Variants in LRRC4C observed in about 807,000 individuals in gnomAD.
The protein encoded by LRRC4C is leucine rich repeat containing 4C.
A neutral mutation model predicts 33.6 loss-of-function variants in LRRC4C; 5 were observed. That is an observed-to-expected ratio of 0.15 (90% CI 0.08 to 0.31). The LOEUF (loss-of-function observed/expected upper bound fraction) is 0.31, where lower values mean the gene tolerates loss of function less well. LRRC4C is among the 10% of genes least tolerant of loss of function. The pLI is 1.00. For missense variants in LRRC4C, 560 were observed against 796.7 expected (o/e 0.70, Z 3.58); for synonymous variants, 329 against 302.0 (o/e 1.09, Z -0.93).
chr11:40,332,867 C>T (rs1946424425), intron 3 of LRRC4C, among the ~76,000 whole-genome samples: 1 of 152,184 alleles, frequency 6.6e-6, no homozygotes, highest in African/African-American at 2.4e-5. Flanking sequence ...CCCATTATAG[C>T]ATCTGCATAT....
chr11:41,325,261 T>C (rs916562696), intron 1 of LRRC4C, among the ~76,000 whole-genome samples: 8 of 152,130 alleles, frequency 5.3e-5, no homozygotes. Flanking sequence ...GAATGATTCT[T>C]GACAAAATAA....
rs971504673 is a variant in LRRC4C, at chr11:40,475,024, C to G, written c.-269-155303G>C. On this transcript the variant is annotated intron_variant, in intron 3 of 6. Coordinates refer to ENST00000528697, the MANE Select transcript of LRRC4C (RefSeq NM_001258419.2). The stretch of plus-strand genomic sequence containing the variant: ...TGGTGGGAGTGTAAATTAGTTCAAC[C>G]ATTGTGGAAGACAGTATGGCAATTT... Among the ~76,000 whole-genome samples, 30 of 152,098 alleles carry G rather than the reference C, an allele frequency of 2.0e-4. 1 individual carries two copies. Among genetic ancestry groups the G allele is most frequent in the African/African-American group, 6.5e-4 (27 of 41,414 alleles).
In LRRC4C at chr11:40,639,203, C is replaced by T. The variant is rs1020671140; in HGVS notation, c.-270+8939G>A. On this transcript the variant is annotated intron_variant, in intron 3 of 6. Coordinates refer to ENST00000528697, the MANE Select transcript of LRRC4C (RefSeq NM_001258419.2). ...TCTCTAGTTTCCATCAAAATCAATT[C>T]AGCTAATTAGCAAATATAATATCAT... Among the ~76,000 whole-genome samples the T allele has an allele frequency of 7.9e-5, 12 of 151,144 alleles. No homozygotes were observed. The East Asian group carries it at 1.9e-3, about 24-fold the overall frequency.
chr11:41,080,364 T>G (rs1261062989), intron 1 of LRRC4C, among the ~76,000 whole-genome samples: 1 of 146,290 alleles, frequency 6.8e-6, no homozygotes, highest in Admixed American at 6.8e-5. Context: ...TTTTTTTTTT[T>G]GTTTGAGATG....
chr11:41,217,674 A>G (rs887479150), intron 1 of LRRC4C, among the ~76,000 whole-genome samples: 1 of 152,156 alleles, frequency 6.6e-6, no homozygotes, highest in Non-Finnish European at 1.5e-5. Context: ...GTGATGAAAA[A>G]GACTTGATTA....
chr11:40,451,801 AG>A (rs1951900609), intron 3 of LRRC4C, among the ~76,000 whole-genome samples: 1 of 152,138 alleles, frequency 6.6e-6, no homozygotes, highest in African/African-American at 2.4e-5. Context: ...AAATAAATGG[AG>A]GGGAGTAGAG....
At position 40,411,647 on chromosome 11, in the gene LRRC4C, C is replaced by CATA. The variant is rs1463941808; in HGVS notation, c.-269-91929_-269-91927dup. On this transcript the variant is annotated intron_variant, in intron 3 of 6. Transcript: ENST00000528697. ...TTTGCTATCTTTCTGCTTCTCAAGC[C>CATA]ATAAGATAAAGCAAATGCTTAGTGA... 2.6e-5 allele frequency among the ~76,000 whole-genome samples: 4 copies of CATA among 152,018 alleles called. No homozygotes were observed. In the South Asian group the frequency reaches 6.2e-4, roughly 24 times the overall value.
At chr11:41,177,914 C>A (rs1282184837) in intron 1 of LRRC4C, among the ~76,000 whole-genome samples, 2 of 152,144 alleles carry the variant, frequency 1.3e-5, no homozygotes, top group Non-Finnish European at 2.9e-5. Flanking sequence ...AATCCCACAG[C>A]CAAGTGTGAG....
At chr11:41,187,146 C>T (rs1456070964) in intron 1 of LRRC4C, among the ~76,000 whole-genome samples, 3 of 152,102 alleles carry the variant, frequency 2.0e-5, no homozygotes, top group East Asian at 3.9e-4. Context: ...GGGCATGGTC[C>T]CTGGATAGGG....
intron 1 of LRRC4C, among the ~76,000 whole-genome samples, chr11:41,102,376 T>A (rs1941242722): frequency 6.6e-6 from 1 of 152,094 alleles, no homozygotes; most frequent in African/African-American, 2.4e-5. Flanking sequence ...CACAGATAAA[T>A]AATTTTTTGA....
In LRRC4C at chr11:40,230,900, T is replaced by C. The variant is rs1050977694; in HGVS notation, c.-96+10619A>G. ...ACCATATGCCATTTAAAGCAGCAGA[T>C]GCCCCTTACTTTAAAAGGCCACTGT... On this transcript the variant is annotated intron_variant, in intron 5 of 6. Transcript: ENST00000528697. 3.3e-5 allele frequency among the ~76,000 whole-genome samples: 5 copies of C among 152,236 alleles called. No individual in the cohort carries two copies. The South Asian group carries it at 6.2e-4, about 19-fold the overall frequency.
In LRRC4C at chr11:41,200,078, T is replaced by C. The variant is rs150970397; in HGVS notation, c.-496+259353A>G. 9.5e-4 allele frequency among the ~76,000 whole-genome samples: 144 copies of C among 152,218 alleles called. 4 individuals carry two copies. In the East Asian group the frequency reaches 0.026, roughly 28 times the overall value. On this transcript the variant is annotated intron_variant, in intron 1 of 6. Coordinates refer to ENST00000528697, the MANE Select transcript of LRRC4C (RefSeq NM_001258419.2). The stretch of plus-strand genomic sequence containing the variant: ...GTGTGTCTCTGTTCCTTATTCCTGC[T>C]TGAGTCTCTTTGTAGTAATGTCACT...
chr11:40,653,204 T>C (rs115420742), intron 2 of LRRC4C, among the ~76,000 whole-genome samples: 3,109 of 152,308 alleles, frequency 0.02, 105 homozygotes, highest in African/African-American at 0.071. Flanking sequence ...CCTGAAAATA[T>C]GGAAGTGACT....
intron 4 of LRRC4C, among the ~76,000 whole-genome samples, chr11:40,308,589 C>A (rs1003241514): frequency 1.3e-5 from 2 of 152,078 alleles, no homozygotes; most frequent in Admixed American, 6.6e-5. Context: ...AGGTCAAATA[C>A]CTTATACTGT....
chr11:40,545,203 T>C (rs1956866188), intron 3 of LRRC4C, among the ~76,000 whole-genome samples: 1 of 152,048 alleles, frequency 6.6e-6, no homozygotes, highest in African/African-American at 2.4e-5. Context: ...TTTAATTATG[T>C]ATTTGAATAT....
intron 1 of LRRC4C, among the ~76,000 whole-genome samples, chr11:41,320,794 A>G (rs568605723): frequency 2.0e-5 from 3 of 152,064 alleles, no homozygotes; most frequent in South Asian, 4.1e-4. Context: ...GCTCACACTC[A>G]TAGTGTGAGA....
chr11:40,523,530 CATAA>C (rs1955911111), intron 3 of LRRC4C, among the ~76,000 whole-genome samples: 1 of 149,080 alleles, frequency 6.7e-6, no homozygotes, highest in African/African-American at 2.4e-5. Context: ...AGGTTATATA[CATAA>C]ATATTATATA....
chr11:40,853,104 T>C (rs1254955598), intron 2 of LRRC4C, among the ~76,000 whole-genome samples: 1 of 152,156 alleles, frequency 6.6e-6, no homozygotes, highest in East Asian at 1.9e-4. Context: ...CTTCCTAACA[T>C]TGTAGCACAA....
chr11:40,457,031 C>T (rs1590799647), intron 3 of LRRC4C, among the ~76,000 whole-genome samples: 2 of 148,882 alleles, frequency 1.3e-5, no homozygotes, highest in South Asian at 2.1e-4. Context: ...ACTCCTAAAT[C>T]TAGTTAAAAT....
Sources: gnomAD v4.1 joint callset for allele counts (sites outside exome capture counted in the v4.1 genomes callset) on GRCh38, gnomAD v4.1.1 for gene constraint, MANE v1.5 for transcripts, NCBI Gene and HGNC (gene_info 2026-07-23, HGNC 2026-07-21) for gene names.